Variants in SNRK observed in about 807,000 individuals in gnomAD.
The protein encoded by SNRK is SNF related kinase.
In SNRK, 3 loss-of-function variants were observed where a neutral mutation model predicts 48.2. The observed-to-expected ratio is 0.06, with a 90% CI of 0.03 to 0.16. The LOEUF (loss-of-function observed/expected upper bound fraction) is 0.16, where lower values mean the gene tolerates loss of function less well. SNRK is among the 10% of genes least tolerant of loss of function. The pLI is 1.00. For missense variants in SNRK, 627 were observed against 976.0 expected (o/e 0.64, Z 4.76); for synonymous variants, 376 against 366.1 (o/e 1.03, Z -0.31).
chr3:43,335,132 A>C (rs1287671638), intron 4 of SNRK, among the ~76,000 whole-genome samples: 1 of 152,090 alleles, frequency 6.6e-6, no homozygotes, highest in Non-Finnish European at 1.5e-5. Flanking sequence ...CGTGCCACTC[A>C]CTTCCATGGG....
In SNRK at chr3:43,347,546, C is replaced by G; in HGVS notation, c.1287C>G (p.Pro429=). 6.2e-7 allele frequency: 1 copy of G among 1,613,580 alleles called. No individual in the cohort carries two copies. The highest frequency in any genetic ancestry group is 8.5e-7 in the Non-Finnish European group (1 of 1,179,776). ...GACCAGCACTCTCTACGGTGCCACC[C>G]GCAAGCTTAAAACCCACAGCCAGTG... is the stretch of plus-strand genomic sequence containing the variant. ...LAGPALSTVP[P]ASLKPTASGR... is the part of the protein sequence containing the mutation. Residue 429 remains proline (P), a synonymous_variant, in exon 7 of 7, where the codon CCC becomes CCG. Transcript: ENST00000296088. This position sits in a 1 kb window ranked among gnomAD's most constrained non-coding sequence, Gnocchi z 5.4.
intron 6 of SNRK, among the ~76,000 whole-genome samples, chr3:43,344,447 T>C (rs186067982): frequency 6.6e-6 from 1 of 152,248 alleles, no homozygotes; most frequent in Admixed American, 6.5e-5. Context: ...GTGAATATTA[T>C]TGTGAATAAT....
In SNRK at chr3:43,348,369, A is replaced by G. The variant is rs2125652095; in HGVS notation, c.2110A>G (p.Ile704Val). Residue 704 changes from isoleucine (I) to valine (V), a missense_variant, in exon 7 of 7, where the codon ATA becomes GTA. Physicochemically the swap from Ile to Val is conservative, Grantham distance 29. Transcript: ENST00000296088. ...NAGQVPAVGG[I>V]KFFSDHMADT... is the part of the protein sequence containing the mutation. ...AGGGCAGGTCCCTGCAGTGGGCGGC[A>G]TAAAGTTTTTCTCTGACCACATGGC... 3 of 1,607,814 alleles carry G rather than the reference A, an allele frequency of 1.9e-6. No homozygotes were observed. Among genetic ancestry groups the G allele is most frequent in the African/African-American group, 2.7e-5 (2 of 74,776 alleles).
At position 43,347,214 on chromosome 3, in the gene SNRK, G is replaced by C; in HGVS notation, c.1080-125G>C. On this transcript the variant is annotated intron_variant, in intron 6 of 6. Transcript: ENST00000296088. The surrounding 1 kb of genome is among the most constrained non-coding windows in gnomAD (Gnocchi z 5.4). ...TGTTTACAGGATGTTGAATGGGTTT[G>C]CAAGGCTGCTGCTTTTTTCTTTAAG... 4 of 1,053,694 alleles carry C rather than the reference G, an allele frequency of 3.8e-6. No homozygotes were observed. The Admixed American group carries it at 1.1e-4, about 28-fold the overall frequency. 65.3% of individuals were successfully genotyped at this position (1,053,694 alleles called of 1,614,324 possible).
chr3:43,309,012 G>A (rs769586423), intron 3 of SNRK, among the ~76,000 whole-genome samples: 2 of 152,162 alleles, frequency 1.3e-5, no homozygotes, highest in Non-Finnish European at 2.9e-5. Flanking sequence ...TTCACAGTTT[G>A]TGGAGGAAAT....
At chr3:43,297,604 A>G (rs563738466) in intron 1 of SNRK, among the ~76,000 whole-genome samples, 1 of 151,660 alleles carries the variant, frequency 6.6e-6, no homozygotes, top group East Asian at 1.9e-4. Context: ...CCCCTTTTTT[A>G]CTAGTCTGTA....
chr3:43,297,060 G>T (rs1027242943), intron 1 of SNRK, among the ~76,000 whole-genome samples: 6 of 152,178 alleles, frequency 3.9e-5, no homozygotes, highest in African/African-American at 2.4e-5. Context: ...AAATAAAAAG[G>T]TTGCTCTAGA....
In SNRK at chr3:43,332,135, G is replaced by C. The variant is rs769756062; in HGVS notation, c.590-34G>C. 4 of 1,451,702 alleles carry C rather than the reference G, an allele frequency of 2.8e-6. No individual in the cohort carries two copies. In the South Asian group the frequency reaches 6.2e-5, roughly 22 times the overall value. 89.9% of individuals were successfully genotyped at this position (1,451,702 alleles called of 1,614,324 possible). On this transcript the variant is annotated intron_variant, in intron 3 of 6. Transcript: ENST00000296088. ...TTTAATGTTTTTGGTTTTCTAATTA[G>C]TCCAATATTTTAAAGTATGTCTTTG...
At chr3:43,337,842 T>A (rs954546112) in intron 4 of SNRK, among the ~76,000 whole-genome samples, 11 of 152,254 alleles carry the variant, frequency 7.2e-5, no homozygotes, top group Admixed American at 3.9e-4. Context: ...CATGATTCAT[T>A]TACCTCCACC....
In SNRK at chr3:43,350,990, T is replaced by C. The variant is rs1301056049; in HGVS notation, c.*2433T>C. 3.3e-5 allele frequency: 5 copies of C among 152,632 alleles called. No homozygotes were observed. The highest frequency in any genetic ancestry group is 7.3e-5 in the Non-Finnish European group (5 of 68,032). The allele number at this position is 152,632 out of a possible 1,614,324, so 9.5% of individuals were successfully genotyped here. Reference sequence around the variant, plus strand: ...ATAATCCCTACCAAGTGAAAATTGATGTGTGTTAAGAGGGTACAGAATTAT... The same window carrying C: ...ATAATCCCTACCAAGTGAAAATTGACGTGTGTTAAGAGGGTACAGAATTAT... On this transcript the variant is annotated 3_prime_UTR_variant, in exon 7 of 7. Coordinates refer to ENST00000296088, the MANE Select transcript of SNRK (RefSeq NM_017719.5).
At chr3:43,345,112 A>T (rs903456692) in intron 6 of SNRK, among the ~76,000 whole-genome samples, 5 of 152,190 alleles carry the variant, frequency 3.3e-5, no homozygotes, top group African/African-American at 1.2e-4. Flanking sequence ...AATAAAAAAA[A>T]TTTAAAAATA....
chr3:43,346,905 A>T, intron 6 of SNRK: 1 of 155,700 alleles, frequency 6.4e-6, no homozygotes, highest in Non-Finnish European at 1.4e-5. Context: ...CCCATGGTAA[A>T]ATCAGGAGCC....
intron 1 of SNRK, among the ~76,000 whole-genome samples, chr3:43,296,771 CAG>C (rs900763694): frequency 1.3e-5 from 2 of 152,110 alleles, no homozygotes; most frequent in Admixed American, 6.5e-5. Flanking sequence ...ACAAGAATAA[CAG>C]GGTGAATTCC....
At chr3:43,296,414 G>GCATATATATATATATATA (rs1553632562) in intron 1 of SNRK, among the ~76,000 whole-genome samples, 2 of 9,408 alleles carry the variant, frequency 2.1e-4, no homozygotes, top group African/African-American at 5.4e-4. Flanking sequence ...GGATATACTG[G>GCATATATATATATATATA]CATATATATA....
In SNRK at chr3:43,340,272, T is replaced by TA. The variant is rs2091225268; in HGVS notation, c.732-14dup. The stretch of plus-strand genomic sequence containing the variant: ...AAGCAGTTTGCTTTAACAATGGACT[T>TA]ACCTTCCTTTCCAGCCTAATCACAC... On this transcript the variant is annotated splice_polypyrimidine_tract_variant and intron_variant, in intron 4 of 6. Coordinates refer to ENST00000296088, the MANE Select transcript of SNRK (RefSeq NM_017719.5). 6.2e-7 allele frequency: 1 copy of TA among 1,608,672 alleles called. No homozygotes were observed. The highest frequency in any genetic ancestry group is 2.2e-5 in the East Asian group (1 of 44,838).
chr3:43,303,830 C>T lies in SNRK; in HGVS notation c.589+38C>T, dbSNP rs1354801416. The T allele has an allele frequency of 1.1e-5, 15 of 1,399,014 alleles. No individual in the cohort carries two copies. The highest frequency in any genetic ancestry group is 2.3e-5 in the East Asian group (1 of 43,658). 86.7% of individuals were successfully genotyped at this position (1,399,014 alleles called of 1,614,324 possible). ...GGTCCAGTATTTGGCCATTTGAATT[C>T]TGCCAGCTAGAGTTGGTCAGATCGG... On this transcript the variant is annotated intron_variant, in intron 3 of 6. Transcript: ENST00000296088. This position sits in a 1 kb window ranked among gnomAD's most constrained non-coding sequence, Gnocchi z 6.2.
intron 4 of SNRK, among the ~76,000 whole-genome samples, chr3:43,336,722 AAC>A (rs1475418409): frequency 6.8e-6 from 1 of 147,072 alleles, no homozygotes; most frequent in Non-Finnish European, 1.5e-5. Flanking sequence ...TACCTGTTTT[AAC>A]ACAGATACAC....
chr3:43,298,792 A>G (rs2090876899), intron 1 of SNRK, among the ~76,000 whole-genome samples: 1 of 152,212 alleles, frequency 6.6e-6, no homozygotes, highest in African/African-American at 2.4e-5. Context: ...GTTTGGATAT[A>G]AGTGATTTGC....
At position 43,335,508 on chromosome 3, in the gene SNRK, A is replaced by G. The variant is rs1006726955; in HGVS notation, c.731+3198A>G. Among the ~76,000 whole-genome samples, 14 of 152,128 alleles carry G rather than the reference A, an allele frequency of 9.2e-5. 1 individual carries two copies. Among genetic ancestry groups the G allele is most frequent in the Non-Finnish European group, 2.1e-4 (14 of 68,020 alleles). On this transcript the variant is annotated intron_variant, in intron 4 of 6. Transcript: ENST00000296088. ...TGCTGAGACTTGCTTATGGCCTAGC[A>G]TAAGGTCTTTTTGTTCTGGAAAATA...
Sources: gnomAD v4.1 joint callset for allele counts (sites outside exome capture counted in the v4.1 genomes callset) on GRCh38, gnomAD v4.1.1 for gene constraint, Gnocchi (gnomAD v3.1) non-coding constraint, MANE v1.5 for transcripts, NCBI Gene and HGNC (gene_info 2026-07-23, HGNC 2026-07-21) for gene names.